Variants in APC observed in about 807,000 individuals in gnomAD.
APC encodes the protein adenomatous polyposis coli protein.
In APC, 72 loss-of-function variants were observed where a neutral mutation model predicts 247.0. That is an observed-to-expected ratio of 0.29 (90% confidence interval 0.24 to 0.35). The LOEUF (loss-of-function observed/expected upper bound fraction) is 0.35. Among genes scored for constraint, APC ranks in the 10% least tolerant of loss-of-function variants. APC has a pLI of 1.00. For synonymous variants in APC, 1,254 were observed against 1,162.5 expected (o/e 1.08, Z -1.60); for missense variants, 3,400 against 3,360.7 (o/e 1.01, Z -0.29).
chr5:112,774,947 A>G (rs758717833), intron 4 of APC, among the ~76,000 whole-genome samples: 4 of 152,208 alleles, frequency 2.6e-5, no homozygotes, highest in African/African-American at 7.2e-5. Context: ...AGCTCTGGCA[A>G]AGAGCCACGT....
chr5:112,798,587 G>C (rs1248753582), intron 7 of APC, among the ~76,000 whole-genome samples: 1 of 152,050 alleles, frequency 6.6e-6, no homozygotes. Flanking sequence ...CTATCACCTA[G>C]AGTAGAAAAC....
chr5:112,774,325 C>G (rs576221003), intron 4 of APC, among the ~76,000 whole-genome samples: 1 of 151,998 alleles, frequency 6.6e-6, no homozygotes, highest in African/African-American at 2.4e-5. Flanking sequence ...AAAGGAAATG[C>G]TAATTAGAGC....
At chr5:112,827,304 T>C (rs1763804943) in intron 12 of APC, 57 bp downstream of exon 12, 17 of 1,581,636 alleles carry the variant, frequency 1.1e-5, no homozygotes, top group Non-Finnish European at 1.5e-5. Flanking sequence ...TAATTTACTT[T>C]CATACAAATA....
chr5:112,809,201 A>C (rs899951189), intron 8 of APC, among the ~76,000 whole-genome samples: 1 of 151,688 alleles, frequency 6.6e-6, no homozygotes, highest in Non-Finnish European at 1.5e-5. Context: ...AAAATACAAA[A>C]AAAAAAAAAA....
intron 6 of APC, among the ~76,000 whole-genome samples, chr5:112,790,051 G>T (rs953751293): frequency 1.3e-5 from 2 of 151,834 alleles, no homozygotes; most frequent in African/African-American, 4.8e-5. Flanking sequence ...GTAGAGACGG[G>T]GTTTCACCAT....
chr5:112,799,685 G>C (rs1298084132), intron 7 of APC, among the ~76,000 whole-genome samples: 2 of 152,058 alleles, frequency 1.3e-5, no homozygotes, highest in Non-Finnish European at 2.9e-5. Flanking sequence ...AAGTAGAAAA[G>C]GCAAGAATGC....
Position 112,778,748 on chromosome 5 carries a change from T to C in APC, c.532-2042T>C, listed in dbSNP as rs1580372842. Among the ~76,000 whole-genome samples the C allele has an allele frequency of 3.9e-5, 6 of 152,290 alleles. No homozygotes were observed. In the East Asian group the frequency reaches 1.2e-3, roughly 29 times the overall value. On this transcript the variant is annotated intron_variant, in intron 5 of 15. Coordinates refer to ENST00000257430, the MANE Select transcript of APC (RefSeq NM_000038.6). The stretch of plus-strand genomic sequence containing the variant: ...TTAGTAGAGACAAGGTTTTGATGTG[T>C]TAGCCAGGATGTTCTTGATATCCTG...
At chr5:112,719,695 C>T (rs983700001) in intron 1 of APC, among the ~76,000 whole-genome samples, 15 of 151,888 alleles carry the variant, frequency 9.9e-5, no homozygotes, top group African/African-American at 2.9e-4. Context: ...CCATCACACC[C>T]GGCTAATTTT....
intron 6 of APC, among the ~76,000 whole-genome samples, chr5:112,790,625 G>C (rs1050034172): frequency 4.6e-5 from 7 of 152,120 alleles, no homozygotes; most frequent in Non-Finnish European, 1.0e-4. Flanking sequence ...CACCGTGCCC[G>C]GCAGCGAACA....
intron 4 of APC, among the ~76,000 whole-genome samples, chr5:112,769,821 C>T (rs923268316): frequency 6.6e-6 from 1 of 152,120 alleles, no homozygotes; most frequent in African/African-American, 2.4e-5. Flanking sequence ...TTCATATATG[C>T]CCATTTATAA....
At chr5:112,811,914 T>C (rs1762017731) in intron 8 of APC, among the ~76,000 whole-genome samples, 1 of 152,170 alleles carries the variant, frequency 6.6e-6, no homozygotes, top group African/African-American at 2.4e-5. Context: ...TGCAGTCATC[T>C]CCACACATAA....
At chr5:112,743,970 C>T (rs770110019) in intron 1 of APC, among the ~76,000 whole-genome samples, 1 of 152,054 alleles carries the variant, frequency 6.6e-6, no homozygotes, top group East Asian at 1.9e-4. Flanking sequence ...TCCCAAGTAG[C>T]TAGGATTACA....
chr5:112,821,030 A>ATTT (rs1268327067), intron 10 of APC, among the ~76,000 whole-genome samples: 5 of 132,410 alleles, frequency 3.8e-5, no homozygotes, highest in African/African-American at 5.7e-5. Flanking sequence ...CAACTGACTA[A>ATTT]TTTTTTTTTT....
intron 15 of APC, 48 bp from the exon 16 acceptor site, chr5:112,837,505 G>C (rs897510343): frequency 5.1e-6 from 7 of 1,365,296 alleles, no homozygotes; most frequent in Non-Finnish European, 7.3e-6. Context: ...TGTTGTTACT[G>C]CATACACATT....
rs574834747 is a variant in APC at position 112,818,848 on chromosome 5, G to A, written c.934-118G>A. On this transcript the variant is annotated intron_variant, in intron 9 of 15. Coordinates refer to ENST00000257430, the MANE Select transcript of APC (RefSeq NM_000038.6). ...TCCGGTTTTTTGTTTTTTTTTTGGC[G>A]GGGGGGGTTGTTTTGTTTTTTTAGA... 3.7e-4 allele frequency: 331 copies of A among 898,642 alleles called. 5 individuals carry two copies. In the African/African-American group the frequency reaches 6.1e-3, roughly 17 times the overall value. The allele number at this position is 898,642 out of a possible 1,614,324, so 55.7% of individuals were successfully genotyped here. A position where few individuals can be genotyped will look rare whatever the true frequency, so the allele number is the denominator to read the frequency against.
chr5:112,748,973 T>A (rs1005261793), intron 1 of APC, among the ~76,000 whole-genome samples: 2 of 152,168 alleles, frequency 1.3e-5, no homozygotes, highest in Non-Finnish European at 2.9e-5. Context: ...AGTAAAACCC[T>A]GTCTCAGAAA....
intron 2 of APC, among the ~76,000 whole-genome samples, chr5:112,763,699 GAC>G (rs767680416): frequency 1.3e-5 from 2 of 152,096 alleles, no homozygotes; most frequent in African/African-American, 2.4e-5. Flanking sequence ...TAAAAAGTAT[GAC>G]ACAACAAGTA....
chr5:112,749,500 T>TC, intron 1 of APC, among the ~76,000 whole-genome samples: 2 of 146,690 alleles, frequency 1.4e-5, no homozygotes, highest in South Asian at 4.4e-4. Flanking sequence ...TTTTTTTTTT[T>TC]TTGATATGGA....
At position 112,707,857 on chromosome 5, in the gene APC, C is replaced by T. The variant is rs1750615769; in HGVS notation, c.140C>T (p.Ser47Phe). Residue 47 changes from serine (S) to phenylalanine (F), a missense_variant, in exon 1 of 14, where the codon TCT (serine) becomes TTT (phenylalanine). Ser to Phe is a radical substitution (Grantham distance 155). Coordinates refer to the APC transcript ENST00000507379. The stretch of plus-strand genomic sequence containing the variant: ...AAGAGCCCGGGCGGCGCTCGTACTT[C>T]TGGCCACTGGGCGAGCGTCTGGCAG... The T allele has an allele frequency of 1.5e-6, 2 of 1,370,110 alleles. No individual in the cohort carries two copies. Among genetic ancestry groups the T allele is most frequent in the African/African-American group, 1.4e-5 (1 of 69,852 alleles). 84.9% of individuals were successfully genotyped at this position (1,370,110 alleles called of 1,614,324 possible). A position where few individuals can be genotyped will look rare whatever the true frequency, so the allele number is the denominator to read the frequency against.
Sources: allele counts gnomAD v4.1 joint callset (sites outside exome capture counted in the v4.1 genomes callset), GRCh38; gene constraint gnomAD v4.1.1; transcripts MANE v1.5; gene names NCBI Gene and HGNC (gene_info 2026-07-23, HGNC 2026-07-21).